UBE2N: variants seen among roughly 807,000 people sequenced by gnomAD.
UBE2N encodes ubiquitin-conjugating enzyme E2 N.
For missense variants in UBE2N, 60 were observed against 192.1 expected, an observed-to-expected ratio of 0.31 and a Z score of 4.07; for synonymous variants, 70 against 69.2, an observed-to-expected ratio of 1.01 and a Z score of -0.06.
intron 1 of UBE2N, among the ~76,000 whole-genome samples, chr12:93,423,123 T>C (rs2121076526): frequency 6.6e-6 from 1 of 152,334 alleles, no homozygotes; most frequent in South Asian, 2.1e-4. Context: ...GCGCTTGACA[T>C]CAATAATCAC....
chr12:93,434,684 T>C (rs1322466649), intron 1 of UBE2N, among the ~76,000 whole-genome samples: 1 of 152,102 alleles, frequency 6.6e-6, no homozygotes, highest in Admixed American at 6.6e-5. Context: ...ACAAATAAAC[T>C]TGGCAAGAAT....
chr12:93,438,097 A>G (rs1878988291), intron 1 of UBE2N, among the ~76,000 whole-genome samples: 1 of 152,246 alleles, frequency 6.6e-6, no homozygotes, highest in African/African-American at 2.4e-5. Context: ...GCTCATTGAG[A>G]TTAAGGCTCA....
intron 1 of UBE2N, among the ~76,000 whole-genome samples, chr12:93,430,909 G>C (rs1233929435): frequency 2.7e-5 from 4 of 150,548 alleles, no homozygotes; most frequent in African/African-American, 9.7e-5. Context: ...ATCATGCCTG[G>C]GCAACACAGT....
chr12:93,410,230 C>G, intron 3 of UBE2N, 151 bp from the exon 4 acceptor site: 1 of 687,846 alleles, frequency 1.5e-6, no homozygotes, highest in South Asian at 2.1e-5. Context: ...TGGATCAGGG[C>G]TGAAAGATTT....
intron 1 of UBE2N, among the ~76,000 whole-genome samples, chr12:93,414,352 G>A (rs1878130859): frequency 6.6e-6 from 1 of 151,934 alleles, no homozygotes; most frequent in Non-Finnish European, 1.5e-5. Flanking sequence ...GGGAGGCTGA[G>A]GCAGGAGAAT....
At chr12:93,424,272 G>A (rs1398369808) in intron 1 of UBE2N, 3 of 151,976 alleles carry the variant, frequency 2.0e-5, no homozygotes, top group Non-Finnish European at 4.4e-5. Context: ...TTACTTACTC[G>A]ACCCTTTTTC....
At chr12:93,439,412 A>G (rs1003585627) in intron 1 of UBE2N, among the ~76,000 whole-genome samples, 9 of 152,220 alleles carry the variant, frequency 5.9e-5, no homozygotes, top group Admixed American at 5.9e-4. Context: ...CCAGGAGATC[A>G]AGGCTGTGGT....
chr12:93,410,598 T>A, intron 3 of UBE2N, 136 bp downstream of exon 3: 2 of 1,332,138 alleles, frequency 1.5e-6, no homozygotes, highest in Non-Finnish European at 2.1e-6. Flanking sequence ...AAGACGTATT[T>A]ACATACTATA....
chr12:93,418,479 T>C (rs1878293352), intron 1 of UBE2N, among the ~76,000 whole-genome samples: 1 of 142,176 alleles, frequency 7.0e-6, no homozygotes, highest in Non-Finnish European at 1.5e-5. Context: ...TGATTTTGTA[T>C]AACATAACAT....
chr12:93,428,617 G>A (rs547939354), intron 1 of UBE2N, among the ~76,000 whole-genome samples: 3 of 152,284 alleles, frequency 2.0e-5, no homozygotes, highest in African/African-American at 7.2e-5. Flanking sequence ...CATATGACCA[G>A]TGTTTCTGCA....
At chr12:93,435,112 T>C (rs769884098) in intron 1 of UBE2N, among the ~76,000 whole-genome samples, 7 of 152,138 alleles carry the variant, frequency 4.6e-5, no homozygotes, top group Non-Finnish European at 7.4e-5. Context: ...TGAAACATCA[T>C]GGTAACTTTT....
At chr12:93,437,577 A>C (rs570548659) in intron 1 of UBE2N, among the ~76,000 whole-genome samples, 208 of 152,290 alleles carry the variant, frequency 1.4e-3, no homozygotes, top group Non-Finnish European at 2.7e-3. Flanking sequence ...CAGGTGGATC[A>C]CTTGAGAAGA....
At chr12:93,433,413 G>C (rs1357989808) in intron 1 of UBE2N, among the ~76,000 whole-genome samples, 1 of 152,142 alleles carries the variant, frequency 6.6e-6, no homozygotes, top group Non-Finnish European at 1.5e-5. Context: ...CACTTGGGAA[G>C]AAATTTTAAA....
At chr12:93,417,254 G>T (rs1238920871) in intron 1 of UBE2N, among the ~76,000 whole-genome samples, 1 of 152,184 alleles carries the variant, frequency 6.6e-6, no homozygotes, top group East Asian at 1.9e-4. Context: ...ATTATCAACA[G>T]ATCTACTGGG....
At position 93,411,162 on chromosome 12, in the gene UBE2N, T is replaced by G. The variant is rs756563239; in HGVS notation, c.168A>C (p.Leu56=). 1.2e-6 allele frequency: 2 copies of G among 1,614,230 alleles called. No homozygotes were observed. ...CCATTGGGTATTCTTCTGGAAGGAATAGTTCAAGTTTAAAAGTCCCTCCCT... is the reference window on the plus strand; with the variant it reads ...CCATTGGGTATTCTTCTGGAAGGAAGAGTTCAAGTTTAAAAGTCCCTCCCT... The part of the protein sequence containing the change: ...PFEGGTFKLE[L]FLPEEYPMAA... The change falls in exon 2 of 4, where the codon CTA becomes CTC. Residue 56 remains leucine, a synonymous_variant. Transcript: ENST00000318066.
intron 1 of UBE2N, among the ~76,000 whole-genome samples, chr12:93,421,690 T>C (rs1878417316): frequency 6.6e-6 from 1 of 152,074 alleles, no homozygotes; most frequent in Admixed American, 6.5e-5. Context: ...AAGATAAAAA[T>C]AGGAAAAAAA....
At chr12:93,410,483 T>G (rs537513937) in intron 3 of UBE2N, 8 of 586,416 alleles carry the variant, frequency 1.4e-5, no homozygotes, top group African/African-American at 1.3e-4. Context: ...ATAAATGGTA[T>G]GCACTCAGTA....
intron 1 of UBE2N, among the ~76,000 whole-genome samples, chr12:93,421,207 T>TG (rs1188470851): frequency 0.13 from 13,596 of 106,198 alleles, 788 homozygotes; most frequent in Middle Eastern, 0.15. Context: ...CTTTTTTTTT[T>TG]GGGGGGGCTG....
Position 93,438,745 on chromosome 12 carries a change from G to A in UBE2N, c.30+3110C>T. Among the ~76,000 whole-genome samples, 2 of 152,160 alleles carry A rather than the reference G, an allele frequency of 1.3e-5. 1 individual carries two copies. Among genetic ancestry groups the A allele is most frequent in the Non-Finnish European group, 2.9e-5 (2 of 68,024 alleles). On this transcript the variant is annotated intron_variant, in intron 1 of 3. Coordinates refer to ENST00000318066, the MANE Select transcript of UBE2N (RefSeq NM_003348.4). ...GATGGAAGTGAACAGAGGTTTGAAA[G>A]ACAGGGGGGAAAGTGTCTGATTTAG...
Sources: gnomAD v4.1 joint callset for allele counts (sites outside exome capture counted in the v4.1 genomes callset) on GRCh38, gnomAD v4.1.1 for gene constraint, MANE v1.5 for transcripts, NCBI Gene and HGNC (gene_info 2026-07-23, HGNC 2026-07-21) for gene names.